PCNT: variants seen among roughly 807,000 people sequenced by gnomAD.
The protein encoded by PCNT is kendrin.
A neutral mutation model predicts 380.4 loss-of-function variants in PCNT; 319 were observed. The observed-to-expected ratio is 0.84, with a 90% confidence interval of 0.77 to 0.92. The LOEUF (loss-of-function observed/expected upper bound fraction) is 0.92. Ranked by LOEUF, PCNT falls within the 40% of genes least tolerant of loss-of-function variation. PCNT has a pLI of 0.00. For synonymous variants in PCNT, 1,845 were observed against 1,735.2 expected (o/e 1.06, Z -1.57); for missense variants, 4,400 against 4,255.3 (o/e 1.03, Z -0.95).
rs933736339 is a variant in PCNT at position 46,418,252 on chromosome 21, A to G, written c.6970A>G (p.Thr2324Ala). The change falls in exon 31 of 47, where the codon ACA becomes GCA. Residue 2324 changes from threonine to alanine, a missense_variant. Coordinates refer to ENST00000359568, the MANE Select transcript of PCNT (RefSeq NM_006031.6). The part of the protein sequence containing the change: ...FITTSFDSQE[T>A]LSSPPPGLEG... The stretch of plus-strand genomic sequence containing the variant: ...CACAACATCCTTTGATTCTCAAGAA[A>G]CATTAAGTTCACCTCCTCCTGGATT... 1 of 1,610,648 alleles carries G rather than the reference A, an allele frequency of 6.2e-7. No individual in the cohort carries two copies. Among genetic ancestry groups the G allele is most frequent in the Non-Finnish European group, 8.5e-7 (1 of 1,176,930 alleles).
chr21:46,423,254 A>G (rs1352373427), intron 32 of PCNT, among the ~76,000 whole-genome samples: 1 of 146,650 alleles, frequency 6.8e-6, no homozygotes, highest in African/African-American at 2.5e-5. Context: ...CCAGCAGTGC[A>G]GTCACAGCTC....
In PCNT at chr21:46,347,568, C is replaced by T. The variant is rs79850630; in HGVS notation, c.1032+56C>T. ...TCTGTGTATGTTGTTTTTCCTTTCTCGCCAGGTCCCATGAGAACGCTCCTC... is the reference window on the plus strand; with the variant it reads ...TCTGTGTATGTTGTTTTTCCTTTCTTGCCAGGTCCCATGAGAACGCTCCTC... On this transcript the variant is annotated intron_variant, in intron 6 of 46. Coordinates refer to ENST00000359568, the MANE Select transcript of PCNT (RefSeq NM_006031.6). The T allele has an allele frequency of 0.054, 83,044 of 1,541,680 alleles. 2,570 individuals carry two copies. Among genetic ancestry groups the T allele is most frequent in the Non-Finnish European group, 0.061 (67,953 of 1,114,232 alleles).
intron 13 of PCNT, among the ~76,000 whole-genome samples, chr21:46,362,241 C>A (rs565750096): frequency 4.5e-4 from 69 of 152,332 alleles, no homozygotes; most frequent in African/African-American, 1.3e-3. Flanking sequence ...CCAGGCGTTG[C>A]AGCTCTCTTT....
chr21:46,326,052 C>T (rs1211900689), intron 1 of PCNT, among the ~76,000 whole-genome samples: 1 of 152,140 alleles, frequency 6.6e-6, no homozygotes, highest in Non-Finnish European at 1.5e-5. Flanking sequence ...TTAAATATGC[C>T]TTGATTAAGC....
At chr21:46,396,391 A>G (rs1412994932) in intron 21 of PCNT, among the ~76,000 whole-genome samples, 2 of 152,148 alleles carry the variant, frequency 1.3e-5, no homozygotes, top group Non-Finnish European at 2.9e-5. Flanking sequence ...TCCGGAGTGG[A>G]GGGCTGGATC....
intron 22 of PCNT, among the ~76,000 whole-genome samples, 175 bp from the exon 23 acceptor site, chr21:46,397,839 C>T (rs2086258776): frequency 6.6e-6 from 1 of 152,224 alleles, no homozygotes; most frequent in African/African-American, 2.4e-5. Flanking sequence ...ATGCAGAGAG[C>T]TGTTTTTCTT....
chr21:46,401,937 G>A lies in PCNT; in HGVS notation c.4962+216G>A, dbSNP rs572981191. On this transcript the variant is annotated intron_variant, in intron 26 of 46. Transcript: ENST00000359568. ...GCAGTCTCGGCTCACTGCAACCTCC[G>A]CCTCCTGGGTTCAAGCGATTCTCCT... 1.2e-3 allele frequency among the ~76,000 whole-genome samples: 183 copies of A among 152,260 alleles called. 2 individuals carry two copies. Among genetic ancestry groups the A allele is most frequent in the Middle Eastern group, 6.8e-3 (2 of 294 alleles).
At chr21:46,382,072 C>T (rs537118159) in intron 16 of PCNT, among the ~76,000 whole-genome samples, 2 of 126,324 alleles carry the variant, frequency 1.6e-5, no homozygotes, top group South Asian at 5.6e-4. Context: ...GTTGTATATT[C>T]AGTGGCGGAA....
chr21:46,412,081 G>C lies in PCNT; in HGVS notation c.5994+14G>C, dbSNP rs749371662. On this transcript the variant is annotated intron_variant, in intron 28 of 46. Transcript: ENST00000359568. ...CCTGACCCACAGGTGGGCTCCCCCC[G>C]CGGGCCATGGCAGGGTATTTTTTTT... 46 of 1,603,164 alleles carry C rather than the reference G, an allele frequency of 2.9e-5. No homozygotes were observed. The African/African-American group carries it at 5.7e-4, about 20-fold the overall frequency.
chr21:46,403,521 G>A lies in PCNT; in HGVS notation c.5115+1038G>A, dbSNP rs796408549. Among the ~76,000 whole-genome samples, 24 of 110,966 alleles carry A rather than the reference G, an allele frequency of 2.2e-4. 1 individual carries two copies. Among genetic ancestry groups the A allele is most frequent in the Non-Finnish European group, 3.8e-4 (20 of 52,092 alleles). The allele number at this position is 110,966 out of a possible 152,430, so 72.8% of individuals were successfully genotyped here. A position where few individuals can be genotyped will look rare whatever the true frequency, so the allele number is the denominator to read the frequency against. ...ATTGTGTGTGTGGTGCCCACGCGGCGTGTGCTCGGTGAATGAACACAGCGT... is the reference window on the plus strand; with the variant it reads ...ATTGTGTGTGTGGTGCCCACGCGGCATGTGCTCGGTGAATGAACACAGCGT... On this transcript the variant is annotated intron_variant, in intron 27 of 46. Transcript: ENST00000359568.
chr21:46,413,055 G>T lies in PCNT; in HGVS notation c.6150+63G>T, dbSNP rs536081091. The stretch of plus-strand genomic sequence containing the variant: ...GAGGCTGGACACGCGGCAGCAAGGT[G>T]TGGGGAGCGGGGAAGGCACGAGGCC... On this transcript the variant is annotated intron_variant, in intron 29 of 46. Coordinates refer to ENST00000359568, the MANE Select transcript of PCNT (RefSeq NM_006031.6). 666 of 1,469,290 alleles carry T rather than the reference G, an allele frequency of 4.5e-4. No homozygotes were observed. In the African/African-American group the frequency reaches 8.8e-3, roughly 19 times the overall value. The allele number at this position is 1,469,290 out of a possible 1,614,324, so 91.0% of individuals were successfully genotyped here. A position where few individuals can be genotyped will look rare whatever the true frequency, so the allele number is the denominator to read the frequency against.
chr21:46,417,184 CTTTTTTTTTTT>C (rs71318076), intron 30 of PCNT, among the ~76,000 whole-genome samples: 4 of 73,346 alleles, frequency 5.5e-5, no homozygotes, highest in East Asian at 1.1e-3. Context: ...GGAATGCTTC[CTTTTTTTTTTT>C]TTTTTTTTTT....
intron 2 of PCNT, among the ~76,000 whole-genome samples, chr21:46,329,670 G>T (rs1306470837): frequency 6.6e-6 from 1 of 152,216 alleles, no homozygotes; most frequent in Non-Finnish European, 1.5e-5. Flanking sequence ...TCAAGCGTGG[G>T]GTGGTGTGGC....
At position 46,416,177 on chromosome 21, in the gene PCNT, C is replaced by G. The variant is rs1319568497; in HGVS notation, c.6259C>G (p.Gln2087Glu). 1 of 1,614,194 alleles carries G rather than the reference C, an allele frequency of 6.2e-7. No individual in the cohort carries two copies. The highest frequency in any genetic ancestry group is 2.2e-5 in the East Asian group (1 of 44,886). The change falls in exon 30 of 47, where the codon CAG becomes GAG. Residue 2087 changes from glutamine (Q) to glutamate (E), a missense_variant. Gln to Glu is a conservative substitution (Grantham distance 29, BLOSUM62 2). Transcript: ENST00000359568. ...LNRLLYSMTF[Q>E]NVDAADTKSL... ...CCGTTTGCTGTATTCCATGACCTTC[C>G]AGAATGTGGATGCTGCCGACACCAA...
chr21:46,413,182 GC>G lies in PCNT; in HGVS notation c.6150+191del, dbSNP rs1459429507. Among the ~76,000 whole-genome samples the G allele has an allele frequency of 2.4e-3, 321 of 132,380 alleles. 1 individual carries two copies. Among genetic ancestry groups the G allele is most frequent in the African/African-American group, 3.8e-3 (129 of 33,856 alleles). The allele number at this position is 132,380 out of a possible 152,430, so 86.8% of individuals were successfully genotyped here. ...GACACGCGGCAGCAAGGTGTGGGGA[GC>G]GGGGAAGGCACGAGGCCCACCCGGG... On this transcript the variant is annotated intron_variant, in intron 29 of 46. Coordinates refer to ENST00000359568, the MANE Select transcript of PCNT (RefSeq NM_006031.6).
intron 1 of PCNT, 122 bp downstream of exon 1, chr21:46,324,404 C>T (rs1259879764): frequency 2.4e-6 from 2 of 850,256 alleles, no homozygotes; most frequent in Non-Finnish European, 3.9e-6. Flanking sequence ...GCGGAGGTCT[C>T]GCTTTTTCCC....
intron 6 of PCNT, chr21:46,348,421 T>C: frequency 5.8e-6 from 1 of 171,390 alleles, no homozygotes; most frequent in Non-Finnish European, 1.2e-5. Flanking sequence ...GTTGTCCCTG[T>C]GCAGAGGCTG....
intron 1 of PCNT, 92 bp downstream of exon 1, chr21:46,324,374 G>A: frequency 8.9e-7 from 1 of 1,122,228 alleles, no homozygotes. Flanking sequence ...AGGAGAGGAC[G>A]CGGTCCGGCG....
At position 46,398,229 on chromosome 21, in the gene PCNT, C is replaced by T. The variant is rs748858272; in HGVS notation, c.4564-6C>T. On this transcript the variant is annotated splice_polypyrimidine_tract_variant and splice_region_variant and intron_variant, in intron 23 of 46. Transcript: ENST00000359568. The stretch of plus-strand genomic sequence containing the variant: ...TTTTTGCCTTCCATGTACATGAAAT[C>T]GGCAGCAGGCGCCGCTGGATGGAGA... 1.1e-5 allele frequency: 17 copies of T among 1,607,714 alleles called. No individual in the cohort carries two copies. Among genetic ancestry groups the T allele is most frequent in the Admixed American group, 3.4e-5 (2 of 59,392 alleles).
Sources: allele counts gnomAD v4.1 joint callset (sites outside exome capture counted in the v4.1 genomes callset), GRCh38; gene constraint gnomAD v4.1.1; transcripts MANE v1.5; gene names NCBI Gene and HGNC (gene_info 2026-07-23, HGNC 2026-07-21).